CEP170: variants seen among roughly 807,000 people sequenced by gnomAD.
CEP170 encodes the protein centrosomal protein of 170 kDa.
A neutral mutation model predicts 151.9 loss-of-function variants in CEP170; 21 were observed. The observed-to-expected ratio is 0.14, with a 90% confidence interval of 0.10 to 0.20. The LOEUF is 0.20. Among genes scored for constraint, CEP170 ranks in the 10% least tolerant of loss-of-function variants. The probability of loss-of-function intolerance (pLI) is 1.00; values close to 1 mark genes in which losing one functional copy is unlikely to be tolerated. For missense variants in CEP170, 964 were observed against 1,892.9 expected (o/e 0.51, Z 9.11); for synonymous variants, 356 against 648.8 (o/e 0.55, Z 6.86).
chr1:243,177,035 G>A (rs1207040237), intron 10 of CEP170, among the ~76,000 whole-genome samples: 1 of 152,192 alleles, frequency 6.6e-6, no homozygotes, highest in Admixed American at 6.5e-5. Context: ...TCTGTGCAAA[G>A]ATGCACAGTG....
chr1:243,175,542 C>T (rs2059169837), intron 10 of CEP170, among the ~76,000 whole-genome samples: 1 of 152,208 alleles, frequency 6.6e-6, no homozygotes, highest in Non-Finnish European at 1.5e-5. Context: ...AAAGTTTATA[C>T]TGTCTATATA....
chr1:243,225,084 TA>T, intron 2 of CEP170, 91 bp downstream of exon 2: 1 of 629,946 alleles, frequency 1.6e-6, no homozygotes. Flanking sequence ...AGTTCAAATC[TA>T]AATAGCACTG....
intron 14 of CEP170, among the ~76,000 whole-genome samples, chr1:243,154,393 T>G (rs2148445676): frequency 6.6e-6 from 1 of 152,366 alleles, no homozygotes; most frequent in East Asian, 1.9e-4. Context: ...AAAATACATT[T>G]TCTCACCCTA....
rs2063080763 is a variant in CEP170 at position 243,224,562 on chromosome 1, T to C, written c.105+614A>G. Among the ~76,000 whole-genome samples, 5 of 152,118 alleles carry C rather than the reference T, an allele frequency of 3.3e-5. No individual in the cohort carries two copies. The South Asian group carries it at 1.0e-3, about 32-fold the overall frequency. ...CTGGGCCTCAGGTTGGATGAACTTGTTTTATAGTGTTTTCCCTGTAAGAAT... is the reference window on the plus strand; with the variant it reads ...CTGGGCCTCAGGTTGGATGAACTTGCTTTATAGTGTTTTCCCTGTAAGAAT... On this transcript the variant is annotated intron_variant, in intron 2 of 19. Coordinates refer to ENST00000366542, the MANE Select transcript of CEP170 (RefSeq NM_014812.3).
At chr1:243,161,822 A>G (rs939865201) in intron 13 of CEP170, among the ~76,000 whole-genome samples, 26 of 152,302 alleles carry the variant, frequency 1.7e-4, no homozygotes, top group Non-Finnish European at 3.5e-4. Flanking sequence ...ATGTTTCAAA[A>G]GTTAAAATTT....
chr1:243,219,907 TAC>T (rs1436754494), intron 3 of CEP170, among the ~76,000 whole-genome samples: 1 of 152,192 alleles, frequency 6.6e-6, no homozygotes, highest in African/African-American at 2.4e-5. Flanking sequence ...TCAGCATAGC[TAC>T]AGAGGTATAA....
At position 243,151,554 on chromosome 1, in the gene CEP170, T is replaced by C. The variant is rs201664760; in HGVS notation, c.3911+4667A>G. 0.011 allele frequency among the ~76,000 whole-genome samples: 1,680 copies of C among 152,136 alleles called. 29 individuals are homozygous for C. In the East Asian group the frequency reaches 0.2, roughly 18 times the overall value. Reference sequence around the variant, plus strand: ...CTAATCCAGAGCAAAATCTGAACTCTCTTCAATTCTGTGAATGCTGACAGA... The same window carrying C: ...CTAATCCAGAGCAAAATCTGAACTCCCTTCAATTCTGTGAATGCTGACAGA... On this transcript the variant is annotated intron_variant, in intron 14 of 19. Coordinates refer to ENST00000366542, the MANE Select transcript of CEP170 (RefSeq NM_014812.3).
At chr1:243,138,135 T>C (rs531334010) in intron 16 of CEP170, among the ~76,000 whole-genome samples, 2 of 152,350 alleles carry the variant, frequency 1.3e-5, no homozygotes, top group East Asian at 3.9e-4. Flanking sequence ...ATTAAATAAA[T>C]TCCTGATATC....
At chr1:243,244,194 G>T (rs1278489018) in intron 1 of CEP170, among the ~76,000 whole-genome samples, 1 of 152,004 alleles carries the variant, frequency 6.6e-6, no homozygotes, top group Non-Finnish European at 1.5e-5. Context: ...AAATGGCTAG[G>T]TATGTGATAA....
intron 17 of CEP170, 120 bp downstream of exon 17, chr1:243,136,023 A>C (rs2055030604): frequency 6.7e-7 from 1 of 1,502,010 alleles, no homozygotes; most frequent in South Asian, 1.3e-5. Flanking sequence ...ATAGATATTT[A>C]CTTTGGGACA....
intron 17 of CEP170, among the ~76,000 whole-genome samples, chr1:243,135,101 C>A (rs1300772290): frequency 6.6e-6 from 1 of 152,034 alleles, no homozygotes; most frequent in Non-Finnish European, 1.5e-5. Flanking sequence ...AAAAATGGGA[C>A]AAGACGGTGC....
chr1:243,210,922 C>A (rs144195025), intron 4 of CEP170, among the ~76,000 whole-genome samples: 1 of 151,974 alleles, frequency 6.6e-6, no homozygotes, highest in Non-Finnish European at 1.5e-5. Context: ...AGCACCTGGA[C>A]TATTTCTCGT....
chr1:243,158,939 C>T lies in CEP170; in HGVS notation c.3677-2484G>A, dbSNP rs549313841. Among the ~76,000 whole-genome samples, 15 of 151,900 alleles carry T rather than the reference C, an allele frequency of 9.9e-5. No individual in the cohort carries two copies. The South Asian group carries it at 2.9e-3, about 30-fold the overall frequency. On this transcript the variant is annotated intron_variant, in intron 13 of 19. Coordinates refer to ENST00000366542, the MANE Select transcript of CEP170 (RefSeq NM_014812.3). ...AAAATTAGCCAGGCGTGGTAGGGCG[C>T]GCCTGTAATCCCAGCTACTCGGGAG...
At position 243,169,767 on chromosome 1, in the gene CEP170, A is replaced by G; in HGVS notation, c.1717-13T>C. 6.3e-7 allele frequency: 1 copy of G among 1,595,988 alleles called. No homozygotes were observed. Among genetic ancestry groups the G allele is most frequent in the Middle Eastern group, 1.7e-4 (1 of 5,952 alleles). Reference sequence around the variant, plus strand: ...AAGATGTGCCTTCCTAAAGGAGAAAAATAAGAAAACAAAATCATGCAGCCT... The same window carrying G: ...AAGATGTGCCTTCCTAAAGGAGAAAGATAAGAAAACAAAATCATGCAGCCT... On this transcript the variant is annotated splice_polypyrimidine_tract_variant and intron_variant, in intron 11 of 19. Coordinates refer to ENST00000366542, the MANE Select transcript of CEP170 (RefSeq NM_014812.3).
At chr1:243,139,104 T>TA (rs2055499023) in intron 16 of CEP170, among the ~76,000 whole-genome samples, 1 of 151,822 alleles carries the variant, frequency 6.6e-6, no homozygotes, top group Non-Finnish European at 1.5e-5. Context: ...ATTTTCTTTT[T>TA]CTTTTTTTTT....
chr1:243,241,075 A>G (rs913016778), intron 1 of CEP170, among the ~76,000 whole-genome samples: 12 of 152,238 alleles, frequency 7.9e-5, no homozygotes, highest in African/African-American at 2.9e-4. Context: ...AATAATATCT[A>G]AATGAACAGA....
intron 1 of CEP170, 46 bp from the exon 2 acceptor site, chr1:243,225,367 T>C: frequency 1.4e-6 from 1 of 732,828 alleles, no homozygotes; most frequent in Non-Finnish European, 2.1e-6. Flanking sequence ...TATTTTTAGC[T>C]TTAGTGGCTA....
At chr1:243,135,851 C>T (rs971288798) in intron 17 of CEP170, 11 of 168,992 alleles carry the variant, frequency 6.5e-5, no homozygotes, top group Admixed American at 1.8e-4. Context: ...TTACAATTCA[C>T]AAACCATGTT....
chr1:243,235,281 T>A lies in CEP170; in HGVS notation c.-41-9960A>T, dbSNP rs537443921. On this transcript the variant is annotated intron_variant, in intron 1 of 19. Coordinates refer to ENST00000366542, the MANE Select transcript of CEP170 (RefSeq NM_014812.3). Reference sequence around the variant, plus strand: ...TTCAGGCCGGGGTGGTCTACGGAAATATCTTTGAGAAACTGACATATGCTT... The same window carrying A: ...TTCAGGCCGGGGTGGTCTACGGAAAAATCTTTGAGAAACTGACATATGCTT... Among the ~76,000 whole-genome samples the A allele has an allele frequency of 3.0e-4, 46 of 152,312 alleles. No individual in the cohort carries two copies. The South Asian group carries it at 9.3e-3, about 31-fold the overall frequency.
Sources: allele counts gnomAD v4.1 joint callset (sites outside exome capture counted in the v4.1 genomes callset), GRCh38; gene constraint gnomAD v4.1.1; transcripts MANE v1.5; gene names NCBI Gene and HGNC (gene_info 2026-07-23, HGNC 2026-07-21).